The following ZC3HAV1 variants were observed in gnomAD, a reference collection of about 807,000 sequenced individuals.
ZC3HAV1 encodes zinc finger CCCH-type containing, antiviral 1.
In ZC3HAV1, 41 loss-of-function variants were observed where a neutral mutation model predicts 86.6. The ratio of observed to expected loss-of-function variants is 0.47; its 90% CI spans 0.37 to 0.61. The LOEUF (loss-of-function observed/expected upper bound fraction) is 0.61, where lower values mean the gene tolerates loss of function less well. ZC3HAV1 is among the 20% of genes least tolerant of loss of function. The pLI is 0.00. For missense variants in ZC3HAV1, 964 were observed against 1,141.1 expected (o/e 0.84, Z 2.24); for synonymous variants, 421 against 432.1 (o/e 0.97, Z 0.32).
intron 3 of ZC3HAV1, among the ~76,000 whole-genome samples, chr7:139,082,213 G>A (rs983347531): frequency 6.6e-6 from 1 of 151,970 alleles, no homozygotes; most frequent in African/African-American, 2.4e-5. Context: ...CCATTGCAGT[G>A]AGCCGAGGTC....
chr7:139,061,594 G>A (rs999293174), intron 8 of ZC3HAV1, among the ~76,000 whole-genome samples: 5 of 152,202 alleles, frequency 3.3e-5, no homozygotes, highest in African/African-American at 9.7e-5. Flanking sequence ...CCTTCAGAAA[G>A]TAAGTCATAA....
chr7:139,099,532 G>A (rs1200293292), intron 1 of ZC3HAV1, among the ~76,000 whole-genome samples: 2 of 152,248 alleles, frequency 1.3e-5, no homozygotes, highest in Non-Finnish European at 2.9e-5. Context: ...AGGGGCTGAG[G>A]AAAGGGGAGA....
chr7:139,104,956 C>T (rs533955287), intron 1 of ZC3HAV1, among the ~76,000 whole-genome samples: 3 of 144,902 alleles, frequency 2.1e-5, no homozygotes, highest in African/African-American at 7.7e-5. Flanking sequence ...TCGCTTGAAC[C>T]GGGGAGGCGG....
chr7:139,106,710 A>G (rs1350774532), intron 1 of ZC3HAV1, among the ~76,000 whole-genome samples: 1 of 152,194 alleles, frequency 6.6e-6, no homozygotes, highest in African/African-American at 2.4e-5. Flanking sequence ...TTGAATACCA[A>G]CTGGACAATA....
chr7:139,091,458 ACT>A (rs1230329696), intron 1 of ZC3HAV1, among the ~76,000 whole-genome samples: 1 of 151,664 alleles, frequency 6.6e-6, no homozygotes, highest in Non-Finnish European at 1.5e-5. Flanking sequence ...ACAGAGCAAG[ACT>A]CTGTCTCAAA....
At chr7:139,097,429 T>TATATATA (rs1491244234) in intron 1 of ZC3HAV1, among the ~76,000 whole-genome samples, 20 of 56,836 alleles carry the variant, frequency 3.5e-4, no homozygotes, top group African/African-American at 1.9e-3. Context: ...TATATATATA[T>TATATATA]TTTTTTTTTT....
intron 9 of ZC3HAV1, among the ~76,000 whole-genome samples, chr7:139,056,415 CT>C (rs1312540665): frequency 6.1e-4 from 22 of 35,978 alleles, no homozygotes; most frequent in Non-Finnish European, 8.2e-4. Context: ...CTTTTCTTTT[CT>C]TTTTTTTTTT....
chr7:139,076,467 G>A, intron 5 of ZC3HAV1, 58 bp from the exon 6 acceptor site: 1 of 1,601,392 alleles, frequency 6.2e-7, no homozygotes, highest in Non-Finnish European at 8.5e-7. Context: ...AACCAATTCA[G>A]TCAAGTTCAC....
At chr7:139,088,441 T>C (rs570745120) in intron 2 of ZC3HAV1, among the ~76,000 whole-genome samples, 2 of 152,326 alleles carry the variant, frequency 1.3e-5, no homozygotes, top group African/African-American at 4.8e-5. Flanking sequence ...TCACATCTTT[T>C]AAAAAAGGAA....
chr7:139,072,156 T>C (rs973517144), intron 7 of ZC3HAV1, among the ~76,000 whole-genome samples: 11 of 152,134 alleles, frequency 7.2e-5, no homozygotes, highest in African/African-American at 2.7e-4. Flanking sequence ...AACCTAAATA[T>C]GTAGAACCTT....
At chr7:139,102,728 T>TACACACACAC (rs113108708) in intron 1 of ZC3HAV1, among the ~76,000 whole-genome samples, 61 of 139,414 alleles carry the variant, frequency 4.4e-4, no homozygotes, top group Middle Eastern at 3.6e-3. Context: ...ACTGTCTCTA[T>TACACACACAC]ACACACACAC....
Position 139,109,569 on chromosome 7 carries a change from G to A in ZC3HAV1, c.-238C>T, listed in dbSNP as rs1818048293. On this transcript the variant is annotated 5_prime_UTR_variant, in exon 1 of 13. Transcript: ENST00000242351. Reference sequence around the variant, plus strand: ...CCTAGTGGCAGGTTTACAGCCGGCCGCAAGGGCAACTGGGTGGAAAGAAAG... The same window carrying A: ...CCTAGTGGCAGGTTTACAGCCGGCCACAAGGGCAACTGGGTGGAAAGAAAG... The A allele has an allele frequency of 6.3e-6, 3 of 476,304 alleles. No individual in the cohort carries two copies. Among genetic ancestry groups the A allele is most frequent in the South Asian group, 3.8e-5 (1 of 26,150 alleles). 29.5% of individuals were successfully genotyped at this position (476,304 alleles called of 1,614,324 possible). A position where few individuals can be genotyped will look rare whatever the true frequency, so the allele number is the denominator to read the frequency against.
intron 2 of ZC3HAV1, 55 bp downstream of exon 2, chr7:139,089,569 G>A (rs1817371502): frequency 6.6e-6 from 10 of 1,513,034 alleles, no homozygotes; most frequent in Non-Finnish European, 8.8e-6. Flanking sequence ...AAATATCTGT[G>A]ACACAATACT....
chr7:139,064,973 G>A lies in ZC3HAV1; in HGVS notation c.1899C>T (p.Val633=), dbSNP rs893710680. The part of the protein sequence containing the change: ...EEKDKRKNSN[V]DSSYLESLYQ... The stretch of plus-strand genomic sequence containing the variant: ...AGAGAGACTCCAGGTATGAAGAGTC[G>A]ACGTTTGAATTTTTCCGTTTGTCTT... Residue 633 remains valine (V), a synonymous_variant, in exon 8 of 13, where the codon GTC becomes GTT. Transcript: ENST00000242351. 5.6e-6 allele frequency: 9 copies of A among 1,614,010 alleles called. No homozygotes were observed. Among genetic ancestry groups the A allele is most frequent in the South Asian group, 4.4e-5 (4 of 91,082 alleles).
At chr7:139,098,341 T>C (rs527939475) in intron 1 of ZC3HAV1, among the ~76,000 whole-genome samples, 1 of 152,328 alleles carries the variant, frequency 6.6e-6, no homozygotes, top group East Asian at 1.9e-4. Flanking sequence ...AGTATACAAA[T>C]TAAGAATTTT....
chr7:139,047,134 C>A lies in ZC3HAV1; in HGVS notation c.*460G>T. 5.5e-6 allele frequency: 1 copy of A among 182,134 alleles called. No individual in the cohort carries two copies. The highest frequency in any genetic ancestry group is 1.1e-5 in the Non-Finnish European group (1 of 88,588). 11.3% of individuals were successfully genotyped at this position (182,134 alleles called of 1,614,324 possible). ...CTGAGCTCAGGAGTTTGAGACCAGC[C>A]TGGGCAACACAGTGAAACCCTGTCT... On this transcript the variant is annotated 3_prime_UTR_variant, in exon 13 of 13. Coordinates refer to ENST00000242351, the MANE Select transcript of ZC3HAV1 (RefSeq NM_020119.4).
chr7:139,070,663 CAAAAAAAAAA>C (rs765065216), intron 7 of ZC3HAV1, among the ~76,000 whole-genome samples: 1 of 54,440 alleles, frequency 1.8e-5, no homozygotes, highest in Non-Finnish European at 3.8e-5. Context: ...GACTCCGTCT[CAAAAAAAAAA>C]AAAAAAAAAA....
intron 8 of ZC3HAV1, among the ~76,000 whole-genome samples, chr7:139,064,659 A>G (rs533640812): frequency 6.6e-6 from 1 of 152,128 alleles, no homozygotes; most frequent in African/African-American, 2.4e-5. Context: ...GGGCCTAGAT[A>G]GGCCAGGTGC....
chr7:139,071,102 C>CATT (rs766036589), intron 7 of ZC3HAV1, among the ~76,000 whole-genome samples: 1 of 146,560 alleles, frequency 6.8e-6, no homozygotes, highest in Non-Finnish European at 1.5e-5. Context: ...GTTTCTGAAA[C>CATT]CTTTTTTTTT....
Sources: allele counts gnomAD v4.1 joint callset (sites outside exome capture counted in the v4.1 genomes callset), GRCh38; gene constraint gnomAD v4.1.1; transcripts MANE v1.5; gene names NCBI Gene and HGNC (gene_info 2026-07-23, HGNC 2026-07-21).